Variants in FHIP1A observed in about 807,000 individuals in gnomAD.
The protein encoded by FHIP1A is FHF complex subunit HOOK interacting protein 1A, also known as FHF complex subunit HOOK-interacting protein 1A.
A neutral mutation model predicts 88.6 loss-of-function variants in FHIP1A; 61 were observed. The ratio of observed to expected loss-of-function variants is 0.69; its 90% CI spans 0.56 to 0.85. FHIP1A has a LOEUF of 0.85. Ranked by LOEUF, FHIP1A falls within the 40% of genes least tolerant of loss-of-function variation. The pLI, the probability that FHIP1A is intolerant of heterozygous loss-of-function variation, is 0.00. For missense variants in FHIP1A, 1,154 were observed against 1,273.5 expected (o/e 0.91, Z 1.43); for synonymous variants, 478 against 496.0 (o/e 0.96, Z 0.48).
At chr4:151,599,954 T>C (rs1405199146) in intron 7 of FHIP1A, among the ~76,000 whole-genome samples, 1 of 152,244 alleles carries the variant, frequency 6.6e-6, no homozygotes, top group Non-Finnish European at 1.5e-5. Flanking sequence ...GAGGAGCTTA[T>C]AGTAGCAGTC....
intron 1 of FHIP1A, 69 bp from the exon 2 acceptor site, chr4:151,454,610 TTAGAAATCCGAAGCAGAGATTA>T (rs1197950900): frequency 1.3e-5 from 2 of 151,944 alleles, no homozygotes; most frequent in Non-Finnish European, 2.9e-5. Context: ...AAATTAGGCC[TTAGAAATCCGAAGCAGAGATTA>T]TAGTAAAACA....
chr4:151,576,994 T>A (rs990066980), intron 4 of FHIP1A: 1 of 153,596 alleles, frequency 6.5e-6, no homozygotes, highest in South Asian at 2.1e-4. Flanking sequence ...AATTTAAGAA[T>A]TTGTCACGAC....
In FHIP1A at chr4:151,515,739, C is replaced by A. The variant is rs563223689; in HGVS notation, c.-123+33091C>A. ...ATAAAATACCTAGGAATCCAACTTA[C>A]AAGGGATGTGAAGGACCTCTTCAAG... On this transcript the variant is annotated intron_variant, in intron 3 of 13. Transcript: ENST00000435205. 1.1e-3 allele frequency among the ~76,000 whole-genome samples: 164 copies of A among 151,914 alleles called. 1 individual carries two copies. The East Asian group carries it at 0.03, about 28-fold the overall frequency.
intron 1 of FHIP1A, among the ~76,000 whole-genome samples, chr4:151,452,647 C>T (rs947685861): frequency 3.9e-5 from 6 of 151,908 alleles, no homozygotes; most frequent in Admixed American, 3.3e-4. Context: ...TGTGGTGGCT[C>T]ATGCCTGTAG....
intron 1 of FHIP1A, among the ~76,000 whole-genome samples, chr4:151,450,987 A>G (rs539413840): frequency 1.3e-5 from 2 of 152,206 alleles, no homozygotes; most frequent in East Asian, 3.9e-4. Context: ...CATGTTGGCT[A>G]GGCTGGTCTC....
chr4:151,550,346 TG>T (rs1179711221), intron 3 of FHIP1A, among the ~76,000 whole-genome samples: 1 of 152,188 alleles, frequency 6.6e-6, no homozygotes, highest in East Asian at 1.9e-4. Context: ...TTCTATTTTT[TG>T]TACCCATTAG....
chr4:151,494,015 G>A (rs1398825881), intron 3 of FHIP1A, among the ~76,000 whole-genome samples: 1 of 152,170 alleles, frequency 6.6e-6, no homozygotes, highest in Non-Finnish European at 1.5e-5. Context: ...ATCCAAATTG[G>A]TAAAGAGGAA....
intron 3 of FHIP1A, among the ~76,000 whole-genome samples, chr4:151,516,498 A>G (rs1731242284): frequency 6.6e-6 from 1 of 152,264 alleles, no homozygotes; most frequent in African/African-American, 2.4e-5. Context: ...AGAAACTACC[A>G]TCAGAGTGAA....
Position 151,649,186 on chromosome 4 carries a change from C to T in FHIP1A, c.1418-273C>T, listed in dbSNP as rs541357652. Among the ~76,000 whole-genome samples, 4 of 152,334 alleles carry T rather than the reference C, an allele frequency of 2.6e-5. No homozygotes were observed. In the East Asian group the frequency reaches 7.7e-4, roughly 29 times the overall value. ...ATTGCGATCATCAGCTCTTCTTTCT[C>T]TAATGACTCGTACCAGATAATAGAT... On this transcript the variant is annotated intron_variant, in intron 10 of 13. Coordinates refer to ENST00000435205, the MANE Select transcript of FHIP1A (RefSeq NM_001109977.3).
chr4:151,560,159 C>T (rs1183319693), intron 3 of FHIP1A, among the ~76,000 whole-genome samples: 1 of 152,168 alleles, frequency 6.6e-6, no homozygotes, highest in Non-Finnish European at 1.5e-5. Context: ...TCACTAATTA[C>T]ACTTAGTACT....
At chr4:151,538,312 C>T (rs1028110511) in intron 3 of FHIP1A, among the ~76,000 whole-genome samples, 1 of 152,092 alleles carries the variant, frequency 6.6e-6, no homozygotes, top group African/African-American at 2.4e-5. Flanking sequence ...TAGCGTTGTT[C>T]CAGGATTAAG....
chr4:151,478,643 T>C (rs1303091072), intron 2 of FHIP1A, among the ~76,000 whole-genome samples: 2 of 152,160 alleles, frequency 1.3e-5, no homozygotes, highest in African/African-American at 2.4e-5. Context: ...TAAACAAAAC[T>C]AAGCAGACTT....
At chr4:151,495,697 C>G (rs191297281) in intron 3 of FHIP1A, among the ~76,000 whole-genome samples, 47 of 137,858 alleles carry the variant, frequency 3.4e-4, no homozygotes, top group Non-Finnish European at 6.6e-4. Flanking sequence ...GATCTCGGCT[C>G]ACTGCAACCT....
At chr4:151,515,324 A>C (rs985184012) in intron 3 of FHIP1A, among the ~76,000 whole-genome samples, 1 of 151,540 alleles carries the variant, frequency 6.6e-6, no homozygotes, top group Non-Finnish European at 1.5e-5. Flanking sequence ...AGAGCTATCT[A>C]TGACAAACCC....
chr4:151,469,810 AAATCCTGTTC>A (rs1729447560), intron 2 of FHIP1A, among the ~76,000 whole-genome samples: 1 of 152,198 alleles, frequency 6.6e-6, no homozygotes, highest in Admixed American at 6.5e-5. Flanking sequence ...ATACCTTTCA[AAATCCTGTTC>A]AATCATATAT....
chr4:151,420,453 G>T (rs540935669), intron 1 of FHIP1A, among the ~76,000 whole-genome samples: 1 of 152,062 alleles, frequency 6.6e-6, no homozygotes, highest in African/African-American at 2.4e-5. Flanking sequence ...CCCCATCTTT[G>T]TTGAGACCAG....
chr4:151,539,532 C>G (rs988900518), intron 3 of FHIP1A, among the ~76,000 whole-genome samples: 1 of 148,282 alleles, frequency 6.7e-6, no homozygotes, highest in African/African-American at 2.5e-5. Flanking sequence ...CCATTGCACT[C>G]CAGCCTGGGT....
chr4:151,510,826 G>T (rs544595639), intron 3 of FHIP1A, among the ~76,000 whole-genome samples: 91 of 152,314 alleles, frequency 6.0e-4, no homozygotes, highest in Non-Finnish European at 1.1e-3. Flanking sequence ...TTTTTGAATT[G>T]AGAGTCTTTG....
chr4:151,411,628 G>T (rs370911810), intron 1 of FHIP1A, among the ~76,000 whole-genome samples: 11 of 152,234 alleles, frequency 7.2e-5, no homozygotes, highest in Admixed American at 7.2e-4. Context: ...GGGATTACAG[G>T]TGTGAGCCAC....
Sources: allele counts gnomAD v4.1 joint callset (sites outside exome capture counted in the v4.1 genomes callset), GRCh38; gene constraint gnomAD v4.1.1; transcripts MANE v1.5; gene names NCBI Gene and HGNC (gene_info 2026-07-23, HGNC 2026-07-21).